The following BLK variants were observed in gnomAD, a reference collection of about 807,000 sequenced individuals.
BLK encodes the protein tyrosine-protein kinase Blk.
Under a neutral mutation model 61.8 loss-of-function variants are expected in BLK, and 64 were observed. The ratio of observed to expected loss-of-function variants is 1.03; its 90% confidence interval spans 0.85 to 1.27. BLK has a LOEUF of 1.27. Among genes scored for constraint, BLK ranks in the 50% most tolerant of loss-of-function variants. BLK has a pLI of 0.00. For synonymous variants in BLK, 351 were observed against 272.0 expected (o/e 1.29, Z -2.86); for missense variants, 853 against 660.5 (o/e 1.29, Z -3.19).
chr8:11,495,747 C>T (rs1389107671), intron 1 of BLK, among the ~76,000 whole-genome samples: 1 of 152,150 alleles, frequency 6.6e-6, no homozygotes, highest in African/African-American at 2.4e-5. Context: ...TAAAGCAACA[C>T]CGCAAAGGTC....
At chr8:11,542,317 T>C (rs1345229235) in intron 1 of BLK, among the ~76,000 whole-genome samples, 1 of 152,226 alleles carries the variant, frequency 6.6e-6, no homozygotes, top group African/African-American at 2.4e-5. Context: ...AAATATGGTG[T>C]GTACATCCAA....
At chr8:11,532,070 G>A (rs766642424) in intron 1 of BLK, among the ~76,000 whole-genome samples, 2 of 151,978 alleles carry the variant, frequency 1.3e-5, no homozygotes, top group African/African-American at 4.8e-5. Flanking sequence ...TGTTGGCCAG[G>A]CTGGTCTCAA....
chr8:11,559,774 C>T (rs901979984), intron 10 of BLK: 1 of 456,262 alleles, frequency 2.2e-6, no homozygotes, highest in South Asian at 1.5e-5. Context: ...AAGCCTTGAA[C>T]ACTTCCCACC....
chr8:11,510,060 T>C (rs1192510944), intron 1 of BLK, among the ~76,000 whole-genome samples: 8 of 152,236 alleles, frequency 5.3e-5, no homozygotes, highest in Admixed American at 4.6e-4. Context: ...TTTCGTTTGC[T>C]TCCATATTTT....
intron 1 of BLK, among the ~76,000 whole-genome samples, chr8:11,523,829 T>G (rs1177073386): frequency 8.7e-6 from 1 of 115,026 alleles, no homozygotes; most frequent in Non-Finnish European, 1.7e-5. Context: ...CTGAGCAGAT[T>G]GACAGAGTTG....
intron 1 of BLK, among the ~76,000 whole-genome samples, chr8:11,514,428 C>T (rs1420207621): frequency 6.6e-6 from 1 of 152,188 alleles, no homozygotes; most frequent in Non-Finnish European, 1.5e-5. Flanking sequence ...GCAATGGCCT[C>T]CCCGAGGGAT....
At chr8:11,513,041 G>C (rs553009540) in intron 1 of BLK, among the ~76,000 whole-genome samples, 1 of 152,350 alleles carries the variant, frequency 6.6e-6, no homozygotes, top group Non-Finnish European at 1.5e-5. Context: ...ATTCATGGAA[G>C]TCTGAAGCAA....
Position 11,535,037 on chromosome 8 carries a change from G to T in BLK, c.-1-8187G>T, listed in dbSNP as rs114757908. Among the ~76,000 whole-genome samples, 1,474 of 152,048 alleles carry T rather than the reference G, an allele frequency of 9.7e-3. 12 individuals are homozygous for T. Among genetic ancestry groups the T allele is most frequent in the Middle Eastern group, 0.044 (13 of 294 alleles). On this transcript the variant is annotated intron_variant, in intron 1 of 12. Coordinates refer to ENST00000259089, the MANE Select transcript of BLK (RefSeq NM_001715.3). ...TAAAATTGTTTAAAAAATTAGCCAG[G>T]CATGGCAGCACGTGCCTGTGGTCCT...
At chr8:11,546,470 C>G (rs535855883) in intron 3 of BLK, among the ~76,000 whole-genome samples, 1 of 152,304 alleles carries the variant, frequency 6.6e-6, no homozygotes, top group African/African-American at 2.4e-5. Context: ...CCTCCAGCCC[C>G]TGTCCGCTCT....
intron 1 of BLK, among the ~76,000 whole-genome samples, chr8:11,540,926 T>C (rs1349706025): frequency 6.6e-6 from 1 of 151,748 alleles, no homozygotes; most frequent in East Asian, 1.9e-4. Flanking sequence ...TAATGCCTCA[T>C]AGACAAATCT....
At chr8:11,537,835 C>T (rs1026739289) in intron 1 of BLK, among the ~76,000 whole-genome samples, 1 of 152,170 alleles carries the variant, frequency 6.6e-6, no homozygotes, top group Non-Finnish European at 1.5e-5. Context: ...TTAGTTGATG[C>T]CTCCACCACA....
chr8:11,537,910 C>T (rs990705831), intron 1 of BLK, among the ~76,000 whole-genome samples: 2 of 152,170 alleles, frequency 1.3e-5, no homozygotes, highest in Non-Finnish European at 2.9e-5. Flanking sequence ...ATTGACTGCC[C>T]TGCTCTGGTG....
chr8:11,511,716 G>A lies in BLK; in HGVS notation c.-2+17125G>A, dbSNP rs138498259. Among the ~76,000 whole-genome samples the A allele has an allele frequency of 1.2e-4, 18 of 152,294 alleles. No homozygotes were observed. In the East Asian group the frequency reaches 3.3e-3, roughly 28 times the overall value. On this transcript the variant is annotated intron_variant, in intron 1 of 12. Coordinates refer to ENST00000259089, the MANE Select transcript of BLK (RefSeq NM_001715.3). ...TTCCTGAAATACGGCAAACAGTCAT[G>A]CAACAAAAAGGAGAAAATTATATTT...
chr8:11,533,518 A>G (rs1799979335), intron 1 of BLK, among the ~76,000 whole-genome samples: 1 of 151,484 alleles, frequency 6.6e-6, no homozygotes, highest in Non-Finnish European at 1.5e-5. Flanking sequence ...GGAAAGACCA[A>G]GGGTTTGAAG....
intron 1 of BLK, among the ~76,000 whole-genome samples, chr8:11,501,955 C>G (rs1434145950): frequency 6.6e-6 from 1 of 152,230 alleles, no homozygotes; most frequent in Non-Finnish European, 1.5e-5. Context: ...CTCTTTTAAG[C>G]ATAGAAAATC....
chr8:11,550,393 C>T (rs1255341229), intron 6 of BLK, 131 bp downstream of exon 6: 16 of 870,146 alleles, frequency 1.8e-5, no homozygotes, highest in Non-Finnish European at 2.8e-5. Context: ...GCTTGTGTCC[C>T]TCCCAATTCA....
Position 11,556,791 on chromosome 8 carries a change from G to A in BLK, c.906G>A (p.Val302=), listed in dbSNP as rs749958320. ...QHERLVRLYA[V]VTKEPIYIVT... is the part of the protein sequence containing the mutation. ...AGCGGCTGGTCCGACTCTACGCAGT[G>A]GTCACCAAGGAGCCCATCTACATTG... The change falls in exon 9 of 13, where the codon GTG becomes GTA. Residue 302 remains valine (V), a synonymous_variant. Coordinates refer to ENST00000259089, the MANE Select transcript of BLK (RefSeq NM_001715.3). 11 of 1,614,100 alleles carry A rather than the reference G, an allele frequency of 6.8e-6. No individual in the cohort carries two copies. The highest frequency in any genetic ancestry group is 9.3e-6 in the Non-Finnish European group (11 of 1,180,044).
chr8:11,553,969 TC>T (rs1801050230), intron 6 of BLK, among the ~76,000 whole-genome samples: 1 of 152,046 alleles, frequency 6.6e-6, no homozygotes, highest in Non-Finnish European at 1.5e-5. Flanking sequence ...AGGCGCGGAC[TC>T]GGGGAACCGG....
chr8:11,499,112 A>G (rs1477636032), intron 1 of BLK, among the ~76,000 whole-genome samples: 1 of 152,214 alleles, frequency 6.6e-6, no homozygotes, highest in Admixed American at 6.5e-5. Flanking sequence ...CACAGACTAC[A>G]TATATGATGG....
Sources: gnomAD v4.1 joint callset for allele counts (sites outside exome capture counted in the v4.1 genomes callset) on GRCh38, gnomAD v4.1.1 for gene constraint, MANE v1.5 for transcripts, NCBI Gene and HGNC (gene_info 2026-07-23, HGNC 2026-07-21) for gene names.